TMEM144: variants seen among roughly 807,000 people sequenced by gnomAD.
TMEM144 encodes the protein transmembrane protein 144.
TMEM144 carries 39 observed loss-of-function variants against 43.6 expected under a neutral mutation model. That is an observed-to-expected ratio of 0.90 (90% CI 0.69 to 1.17). The LOEUF is 1.17. Ranked by LOEUF, TMEM144 falls within the 50% of genes most tolerant of loss-of-function variation. The probability of loss-of-function intolerance (pLI) is 0.00; values close to 1 mark genes in which losing one functional copy is unlikely to be tolerated. For synonymous variants in TMEM144, 154 were observed against 133.6 expected (o/e 1.15, Z -1.06); for missense variants, 417 against 411.9 (o/e 1.01, Z -0.11).
At chr4:158,223,020 A>G (rs529952097) in intron 6 of TMEM144, among the ~76,000 whole-genome samples, 2 of 152,362 alleles carry the variant, frequency 1.3e-5, no homozygotes, top group African/African-American at 2.4e-5. Context: ...GTTCATATAC[A>G]TAAAATAAAT....
intron 8 of TMEM144, 135 bp downstream of exon 8, chr4:158,235,640 G>A (rs915236595): frequency 1.7e-5 from 15 of 906,182 alleles, no homozygotes; most frequent in South Asian, 1.0e-4. Context: ...ATCTCCATGC[G>A]GCGAGGTTTT....
In TMEM144 at chr4:158,254,306, C is replaced by G. The variant is rs2111162837; in HGVS notation, c.*779C>G. The G allele has an allele frequency of 6.6e-6, 1 of 152,270 alleles. No homozygotes were observed. Among genetic ancestry groups the G allele is most frequent in the Middle Eastern group, 3.4e-3 (1 of 294 alleles). The allele number at this position is 152,270 out of a possible 1,614,324, so 9.4% of individuals were successfully genotyped here. On this transcript the variant is annotated 3_prime_UTR_variant, in exon 13 of 13. Coordinates refer to ENST00000296529, the MANE Select transcript of TMEM144 (RefSeq NM_018342.5). ...AGTAACAATTTAAAGGAAACAACCA[C>G]TCTTTTGAATGTACAACTTTTTTTT...
At chr4:158,217,248 A>C in intron 4 of TMEM144, 73 bp from the exon 5 acceptor site, 1 of 1,084,840 alleles carries the variant, frequency 9.2e-7, no homozygotes, top group South Asian at 1.7e-5. Context: ...AAGTTAGAAT[A>C]AAAACTAATT....
intron 6 of TMEM144, among the ~76,000 whole-genome samples, chr4:158,231,094 A>T (rs182775325): frequency 1.4e-3 from 211 of 152,334 alleles, no homozygotes; most frequent in African/African-American, 4.8e-3. Flanking sequence ...TTTGATATAC[A>T]GCAGGACCCC....
chr4:158,244,234 T>G (rs1735767202), intron 11 of TMEM144, 62 bp from the exon 12 acceptor site: 2 of 1,255,206 alleles, frequency 1.6e-6, no homozygotes, highest in Non-Finnish European at 2.2e-6. Context: ...CTTACTATAT[T>G]TATATAGAAT....
intron 10 of TMEM144, among the ~76,000 whole-genome samples, chr4:158,240,839 A>C (rs1394426051): frequency 1.3e-5 from 2 of 152,216 alleles, no homozygotes; most frequent in Non-Finnish European, 2.9e-5. Context: ...GATCGTGATG[A>C]CTTCAAAAAA....
intron 6 of TMEM144, 141 bp from the exon 7 acceptor site, chr4:158,232,760 C>A: frequency 1.6e-6 from 1 of 606,336 alleles, no homozygotes; most frequent in Non-Finnish European, 2.9e-6. Flanking sequence ...AACGGCAGGA[C>A]CACTGAAGGG....
At chr4:158,237,132 TAAAATTTTTAAA>T (rs369051389) in intron 8 of TMEM144, among the ~76,000 whole-genome samples, 1 of 152,312 alleles carries the variant, frequency 6.6e-6, no homozygotes, top group African/African-American at 2.4e-5. Flanking sequence ...CATGGCCTGT[TAAAATTTTTAAA>T]AAATCATAAA....
At chr4:158,216,170 A>G (rs1488528392) in intron 4 of TMEM144, among the ~76,000 whole-genome samples, 1 of 152,134 alleles carries the variant, frequency 6.6e-6, no homozygotes, top group Non-Finnish European at 1.5e-5. Flanking sequence ...AGAGGAACAG[A>G]CTAAGCATCC....
At chr4:158,237,817 A>C (rs1384788097) in intron 9 of TMEM144, among the ~76,000 whole-genome samples, 174 bp downstream of exon 9, 1 of 152,206 alleles carries the variant, frequency 6.6e-6, no homozygotes, top group Non-Finnish European at 1.5e-5. Context: ...TTTTCATATG[A>C]TCTTTAACAT....
intron 4 of TMEM144, among the ~76,000 whole-genome samples, chr4:158,216,219 T>C (rs1734214064): frequency 6.6e-6 from 1 of 152,212 alleles, no homozygotes; most frequent in African/African-American, 2.4e-5. Flanking sequence ...AGAGCATTTC[T>C]GTTCACCCAG....
chr4:158,212,971 T>C (rs578022697), intron 3 of TMEM144, 195 bp downstream of exon 3: 44 of 608,650 alleles, frequency 7.2e-5, no homozygotes, highest in Middle Eastern at 8.7e-4. Context: ...ATTAAGGTTG[T>C]TTCATGGTAA....
At chr4:158,237,216 T>C (rs573911262) in intron 8 of TMEM144, 1 of 231,196 alleles carries the variant, frequency 4.3e-6, no homozygotes, top group Non-Finnish European at 8.4e-6. Context: ...TTATGTAGAC[T>C]GTACAATATA....
chr4:158,250,491 G>A (rs983808959), intron 12 of TMEM144, among the ~76,000 whole-genome samples: 2 of 152,150 alleles, frequency 1.3e-5, no homozygotes, highest in African/African-American at 4.8e-5. Context: ...GGAGAGCCAC[G>A]TGTTCCTACT....
intron 3 of TMEM144, 125 bp from the exon 4 acceptor site, chr4:158,215,066 A>G: frequency 8.5e-7 from 1 of 1,181,414 alleles, no homozygotes; most frequent in Non-Finnish European, 1.2e-6. Flanking sequence ...GAAATGTGCA[A>G]AGTCCATGGC....
chr4:158,231,832 AG>A (rs1414401180), intron 6 of TMEM144, among the ~76,000 whole-genome samples: 4 of 152,216 alleles, frequency 2.6e-5, no homozygotes, highest in African/African-American at 9.7e-5. Flanking sequence ...AAAATCAAAA[AG>A]GAAAGTTAAA....
chr4:158,212,901 T>A, intron 3 of TMEM144, 125 bp downstream of exon 3: 2 of 785,094 alleles, frequency 2.5e-6, no homozygotes, highest in Non-Finnish European at 4.3e-6. Flanking sequence ...GAATAGAGCT[T>A]AAAATTAGTC....
At chr4:158,235,201 C>A in intron 7 of TMEM144, 1 of 446,060 alleles carries the variant, frequency 2.2e-6, no homozygotes, top group Non-Finnish European at 4.1e-6. Context: ...TCACAATAGC[C>A]ACATATTAAA....
chr4:158,230,293 C>T (rs1344507656), intron 6 of TMEM144, among the ~76,000 whole-genome samples: 1 of 152,130 alleles, frequency 6.6e-6, no homozygotes, highest in Non-Finnish European at 1.5e-5. Context: ...CCTTCCTGAC[C>T]GTTATTATGT....
Sources: gnomAD v4.1 joint callset for allele counts (sites outside exome capture counted in the v4.1 genomes callset) on GRCh38, gnomAD v4.1.1 for gene constraint, MANE v1.5 for transcripts, NCBI Gene and HGNC (gene_info 2026-07-23, HGNC 2026-07-21) for gene names.